Variants in NFASC observed in about 807,000 individuals in gnomAD.
The protein encoded by NFASC is neurofascin, also known as neurofascin homolog.
In NFASC, 43 loss-of-function variants were observed where a neutral mutation model predicts 147.5. That is an observed-to-expected ratio of 0.29 (90% CI 0.23 to 0.38). The LOEUF is 0.38. Ranked by LOEUF, NFASC falls within the 10% of genes least tolerant of loss-of-function variation. The pLI, the probability that NFASC is intolerant of heterozygous loss-of-function variation, is 1.00. For missense variants in NFASC, 1,320 were observed against 1,689.0 expected, an observed-to-expected ratio of 0.78 and a Z score of 3.83; for synonymous variants, 622 against 665.5, an observed-to-expected ratio of 0.93 and a Z score of 1.01.
chr1:204,830,006 GGTGTGTGT>G (rs58294218), intron 1 of NFASC, among the ~76,000 whole-genome samples: 266 of 143,980 alleles, frequency 1.8e-3, no homozygotes, highest in Admixed American at 2.8e-3. Flanking sequence ...TTTGGCATGG[GGTGTGTGT>G]GTGTGTGTGT....
chr1:204,993,938 A>G lies in NFASC; in HGVS notation c.2782+2632A>G, dbSNP rs184042002. On this transcript the variant is annotated intron_variant, in intron 24 of 29. Transcript: ENST00000339876. ...GAACACTTGTCCTCCTCTCGTTCCC[A>G]CCTGTACTAGCCCCCTGACAGCTCA... is the stretch of plus-strand genomic sequence containing the variant. Among the ~76,000 whole-genome samples the G allele has an allele frequency of 3.3e-4, 50 of 152,240 alleles. No homozygotes were observed. The East Asian group carries it at 3.9e-3, about 12-fold the overall frequency.
chr1:204,956,127 T>C (rs1306828724), intron 7 of NFASC, among the ~76,000 whole-genome samples: 1 of 152,246 alleles, frequency 6.6e-6, no homozygotes, highest in African/African-American at 2.4e-5. Context: ...CCTTGTCTTC[T>C]TTCTGTCCTC....
At chr1:204,976,881 G>A (rs1236746585) in intron 16 of NFASC, 86 bp downstream of exon 16, 6 of 1,536,488 alleles carry the variant, frequency 3.9e-6, no homozygotes, top group Non-Finnish European at 5.3e-6. Flanking sequence ...CAGTTCCGAG[G>A]GCAGTGCCTG....
chr1:204,890,770 A>G (rs2082232518), intron 1 of NFASC, among the ~76,000 whole-genome samples: 1 of 152,090 alleles, frequency 6.6e-6, no homozygotes, highest in Non-Finnish European at 1.5e-5. Context: ...GGGTTTTGCC[A>G]TGTTGGCCAG....
In NFASC at chr1:204,954,617, G is replaced by A. The variant is rs1192641586; in HGVS notation, c.413-212G>A. ...TGGCCACTGCGGGCACAGGAGACGG[G>A]AAAGGAGGGGAGCCTTGAAGATGCC... On this transcript the variant is annotated intron_variant, in intron 6 of 29. Transcript: ENST00000339876. The surrounding 1 kb of genome is among the most constrained non-coding windows in gnomAD (Gnocchi z 5.7). 2.0e-5 allele frequency among the ~76,000 whole-genome samples: 3 copies of A among 152,196 alleles called. No individual in the cohort carries two copies. The highest frequency in any genetic ancestry group is 4.4e-5 in the Non-Finnish European group (3 of 68,036).
At chr1:204,936,073 C>T (rs1026317624) in intron 2 of NFASC, among the ~76,000 whole-genome samples, 1 of 152,050 alleles carries the variant, frequency 6.6e-6, no homozygotes, top group African/African-American at 2.4e-5. Context: ...GTCCTGAGTC[C>T]CACCTGTTCT....
chr1:204,945,163 C>A (rs1286811232), intron 3 of NFASC: 1 of 152,240 alleles, frequency 6.6e-6, no homozygotes, highest in Admixed American at 6.5e-5. Context: ...ATCAATGGCC[C>A]ATGTATTGGC....
At chr1:204,908,404 T>C (rs1396393580) in intron 1 of NFASC, among the ~76,000 whole-genome samples, 1 of 152,166 alleles carries the variant, frequency 6.6e-6, no homozygotes, top group Non-Finnish European at 1.5e-5. Flanking sequence ...GAGAAAAATA[T>C]AAGGTATAAA....
rs550960118 is a variant in NFASC, at chr1:204,882,356, G to T, written c.-199-38276G>T. ...CCCTGCTCTGCCGGGCTGTCTTTAG[G>T]CTTTTCCTCAATGTTCCAGCCAGCT... On this transcript the variant is annotated intron_variant, in intron 1 of 29. Coordinates refer to ENST00000339876, the MANE Select transcript of NFASC (RefSeq NM_001005388.3). 8.5e-5 allele frequency among the ~76,000 whole-genome samples: 13 copies of T among 152,160 alleles called. No individual in the cohort carries two copies. In the South Asian group the frequency reaches 1.2e-3, roughly 15 times the overall value.
chr1:204,907,964 G>A (rs935854023), intron 1 of NFASC, among the ~76,000 whole-genome samples: 2 of 151,924 alleles, frequency 1.3e-5, no homozygotes, highest in African/African-American at 4.8e-5. Flanking sequence ...GTGTGTGTGT[G>A]TGTATGGGTT....
At chr1:204,916,467 G>T (rs2089280474) in intron 1 of NFASC, among the ~76,000 whole-genome samples, 1 of 152,190 alleles carries the variant, frequency 6.6e-6, no homozygotes, top group South Asian at 2.1e-4. Context: ...GATCTCTACA[G>T]CAATCCTATA....
Position 205,000,991 on chromosome 1 carries a change from C to T in NFASC, c.3020-179C>T, listed in dbSNP as rs926683597. On this transcript the variant is annotated intron_variant, in intron 25 of 29. Transcript: ENST00000339876. ...CCAAGGCTGCAGCTTGGAGCTCTGT[C>T]AGGCCCTGTGCACAGCCATTTCTGA... 4.7e-6 allele frequency: 3 copies of T among 632,646 alleles called. No homozygotes were observed. In the African/African-American group the frequency reaches 5.4e-5, roughly 11 times the overall value. The allele number at this position is 632,646 out of a possible 1,614,324, so 39.2% of individuals were successfully genotyped here.
chr1:204,947,476 G>A (rs1472182741), intron 3 of NFASC, among the ~76,000 whole-genome samples: 1 of 152,216 alleles, frequency 6.6e-6, no homozygotes, highest in Non-Finnish European at 1.5e-5. Context: ...CAGGGGCACT[G>A]CTTCTATTCT....
chr1:204,885,051 C>A (rs1272304740), intron 1 of NFASC, among the ~76,000 whole-genome samples: 2 of 151,854 alleles, frequency 1.3e-5, no homozygotes, highest in African/African-American at 2.4e-5. Flanking sequence ...CACGTGAGAC[C>A]AAGAGTTTGA....
intron 1 of NFASC, among the ~76,000 whole-genome samples, chr1:204,892,948 G>C (rs563133211): frequency 6.6e-6 from 1 of 152,194 alleles, no homozygotes; most frequent in Non-Finnish European, 1.5e-5. Flanking sequence ...AAGCAAAACT[G>C]TACCATGTGT....
chr1:204,966,340 T>G (rs1490421464), intron 8 of NFASC, among the ~76,000 whole-genome samples: 1 of 151,988 alleles, frequency 6.6e-6, no homozygotes, highest in Non-Finnish European at 1.5e-5. Context: ...CACAGATTGG[T>G]TTCTGCAGAT....
intron 24 of NFASC, chr1:204,993,879 C>T (rs1447221382): frequency 2.2e-6 from 1 of 462,102 alleles, no homozygotes; most frequent in Non-Finnish European, 4.4e-6. Flanking sequence ...ATCTGAATCT[C>T]CTTAGACCTG....
intron 1 of NFASC, among the ~76,000 whole-genome samples, chr1:204,909,943 G>T (rs2086949496): frequency 6.6e-6 from 1 of 151,548 alleles, no homozygotes; most frequent in African/African-American, 2.4e-5. Flanking sequence ...ATTGATCTAT[G>T]TGTCTCTTCC....
At position 204,893,915 on chromosome 1, in the gene NFASC, C is replaced by T. The variant is rs138514829; in HGVS notation, c.-199-26717C>T. 8.1e-4 allele frequency among the ~76,000 whole-genome samples: 123 copies of T among 152,298 alleles called. 1 individual carries two copies. Among genetic ancestry groups the T allele is most frequent in the South Asian group, 5.0e-3 (24 of 4,820 alleles). ...TTGCCTGCCTTTAGATGGCTAACAA[C>T]GCCCAGATAGCAGAGGCTGAAGGAA... On this transcript the variant is annotated intron_variant, in intron 1 of 29. Coordinates refer to ENST00000339876, the MANE Select transcript of NFASC (RefSeq NM_001005388.3).
Sources: allele counts gnomAD v4.1 joint callset (sites outside exome capture counted in the v4.1 genomes callset), GRCh38; gene constraint gnomAD v4.1.1; non-coding constraint Gnocchi (gnomAD v3.1); transcripts MANE v1.5; gene names NCBI Gene and HGNC (gene_info 2026-07-23, HGNC 2026-07-21).